The following COL4A3 variants were observed in gnomAD, a reference collection of about 807,000 sequenced individuals.
The protein encoded by COL4A3 is collagen alpha-3(IV) chain.
A neutral mutation model predicts 217.4 loss-of-function variants in COL4A3; 135 were observed. The ratio of observed to expected loss-of-function variants is 0.62; its 90% CI spans 0.54 to 0.72. COL4A3 has a LOEUF of 0.72. Among genes scored for constraint, COL4A3 ranks in the 30% least tolerant of loss-of-function variants. The pLI is 0.00. For missense variants in COL4A3, 1,868 were observed against 2,119.9 expected, an observed-to-expected ratio of 0.88 and a Z score of 2.33; for synonymous variants, 690 against 736.3, an observed-to-expected ratio of 0.94 and a Z score of 1.02.
At chr2:227,262,230 T>C (rs1182445661) in intron 20 of COL4A3, among the ~76,000 whole-genome samples, 3 of 152,116 alleles carry the variant, frequency 2.0e-5, no homozygotes, top group African/African-American at 7.2e-5. Context: ...ACAGTTAGAA[T>C]GGGGCAAAAA....
intron 1 of COL4A3, among the ~76,000 whole-genome samples, chr2:227,208,410 A>G (rs1488293451): frequency 1.3e-5 from 2 of 152,068 alleles, no homozygotes; most frequent in African/African-American, 4.8e-5. Context: ...CATTTTGTAG[A>G]CCCTGCACTC....
intron 27 of COL4A3, 55 bp downstream of exon 27, chr2:227,276,532 A>G (rs969282632): frequency 1.9e-5 from 25 of 1,298,494 alleles, no homozygotes; most frequent in Non-Finnish European, 2.7e-5. Context: ...CAACACCCTG[A>G]CTCTCTTGGA....
chr2:227,283,253 G>A (rs557091944), intron 32 of COL4A3, among the ~76,000 whole-genome samples: 263 of 152,164 alleles, frequency 1.7e-3, no homozygotes, highest in Non-Finnish European at 2.9e-3. Flanking sequence ...GGACCTCACC[G>A]ATCTCCCCTC....
At chr2:227,276,633 T>G (rs773419045) in intron 27 of COL4A3, among the ~76,000 whole-genome samples, 156 bp downstream of exon 27, 45 of 152,250 alleles carry the variant, frequency 3.0e-4, no homozygotes, top group Non-Finnish European at 4.8e-4. Flanking sequence ...GCAAGCAGGC[T>G]GGGGACTTGC....
In COL4A3 at chr2:227,250,381, TAG is replaced by T. The variant is rs1454791719; in HGVS notation, c.547-757_547-756del. Among the ~76,000 whole-genome samples the T allele has an allele frequency of 6.7e-6, 1 of 149,036 alleles. No individual in the cohort carries two copies. Among genetic ancestry groups the T allele is most frequent in the Non-Finnish European group, 1.5e-5 (1 of 66,992 alleles). ...ATAGATAGATAGATAGATAGATAGA[TAG>T]ATATTTAAAAATTGTATGAACCAGG... On this transcript the variant is annotated intron_variant, in intron 9 of 51. Coordinates refer to ENST00000396578, the MANE Select transcript of COL4A3 (RefSeq NM_000091.5). The surrounding 1 kb of genome is among the most constrained non-coding windows in gnomAD (Gnocchi z 4.1).
At chr2:227,196,448 G>A (rs868767237) in intron 1 of COL4A3, among the ~76,000 whole-genome samples, 1 of 151,474 alleles carries the variant, frequency 6.6e-6, no homozygotes, top group Non-Finnish European at 1.5e-5. Context: ...CTCCCGAGTA[G>A]CTGGGACTAC....
rs1473622137 is a variant in COL4A3 at position 227,312,096 on chromosome 2, C to G, written c.*226C>G. The G allele has an allele frequency of 1.3e-5, 8 of 634,166 alleles. No homozygotes were observed. Among genetic ancestry groups the G allele is most frequent in the Non-Finnish European group, 2.1e-5 (8 of 383,108 alleles). The allele number at this position is 634,166 out of a possible 1,614,324, so 39.3% of individuals were successfully genotyped here. ...TTCAAAGTTCTCTGTGGCAAAGCAGCAACTATTCACAAAATATCACCAAAA... is the reference window on the plus strand; with the variant it reads ...TTCAAAGTTCTCTGTGGCAAAGCAGGAACTATTCACAAAATATCACCAAAA... On this transcript the variant is annotated 3_prime_UTR_variant, in exon 52 of 52. Transcript: ENST00000396578.
In COL4A3 at chr2:227,310,771, G is replaced by A. The variant is rs1559924856; in HGVS notation, c.4756-5G>A. ...TGTTTATTCAGATTTTTAAAATTGT[G>A]GTAGTTCACAAGTGCAGGTTCTGAG... On this transcript the variant is annotated splice_region_variant and splice_polypyrimidine_tract_variant and intron_variant, in intron 50 of 51. Transcript: ENST00000396578. The A allele has an allele frequency of 1.2e-6, 2 of 1,613,142 alleles. No individual in the cohort carries two copies. Among genetic ancestry groups the A allele is most frequent in the African/African-American group, 1.3e-5 (1 of 74,972 alleles).
chr2:227,206,120 C>T (rs1319825025), intron 1 of COL4A3, among the ~76,000 whole-genome samples: 3 of 152,026 alleles, frequency 2.0e-5, no homozygotes, highest in Admixed American at 2.0e-4. Context: ...GTTGCCCAGG[C>T]TGAAGTGCAG....
intron 37 of COL4A3, among the ~76,000 whole-genome samples, chr2:227,292,522 G>A (rs2106222430): frequency 6.6e-6 from 1 of 152,322 alleles, no homozygotes; most frequent in Non-Finnish European, 1.5e-5. Flanking sequence ...TCAGCAAAAT[G>A]AGAGTAACAG....
chr2:227,219,159 T>A (rs1405947918), intron 1 of COL4A3, among the ~76,000 whole-genome samples: 1 of 152,034 alleles, frequency 6.6e-6, no homozygotes, highest in African/African-American at 2.4e-5. Flanking sequence ...CATGCCCAGC[T>A]AATTTTGTAT....
chr2:227,281,386 G>A (rs1217198258), intron 31 of COL4A3, among the ~76,000 whole-genome samples: 2 of 151,780 alleles, frequency 1.3e-5, no homozygotes, highest in African/African-American at 2.4e-5. Flanking sequence ...ATTAAAATAG[G>A]GTAAATGTAT....
chr2:227,206,218 C>T (rs2067095094), intron 1 of COL4A3, among the ~76,000 whole-genome samples: 1 of 152,072 alleles, frequency 6.6e-6, no homozygotes, highest in Non-Finnish European at 1.5e-5. Context: ...GGATTACAGG[C>T]ACCCGCCACC....
At chr2:227,202,418 T>A (rs2066723011) in intron 1 of COL4A3, among the ~76,000 whole-genome samples, 1 of 152,274 alleles carries the variant, frequency 6.6e-6, no homozygotes, top group African/African-American at 2.4e-5. Flanking sequence ...TGGAGTGAAC[T>A]GATAATGCTG....
chr2:227,195,884 G>A (rs2125716861), intron 1 of COL4A3, among the ~76,000 whole-genome samples: 1 of 136,382 alleles, frequency 7.3e-6, no homozygotes, highest in African/African-American at 2.8e-5. Flanking sequence ...CTAGGCTAAT[G>A]TGTGTGTTTG....
chr2:227,211,207 G>A (rs565537150), intron 1 of COL4A3, among the ~76,000 whole-genome samples: 1 of 152,210 alleles, frequency 6.6e-6, no homozygotes, highest in African/African-American at 2.4e-5. Flanking sequence ...CACCATGTTG[G>A]CCAGGATGGT....
At chr2:227,308,701 G>A (rs983118893) in intron 48 of COL4A3, among the ~76,000 whole-genome samples, 198 bp from the exon 49 acceptor site, 1 of 152,266 alleles carries the variant, frequency 6.6e-6, no homozygotes, top group Admixed American at 6.5e-5. Context: ...GTGGGAGAAA[G>A]AAGATTTGTT....
chr2:227,251,202 T>A lies in COL4A3; in HGVS notation c.609T>A (p.Phe203Leu). 1 of 1,613,174 alleles carries A rather than the reference T, an allele frequency of 6.2e-7. No individual in the cohort carries two copies. The highest frequency in any genetic ancestry group is 8.5e-7 in the Non-Finnish European group (1 of 1,179,222). The change falls in exon 10 of 52, where the codon TTT becomes TTA. Residue 203 changes from phenylalanine to leucine, a missense_variant and splice_region_variant. This residue lies in a region of COL4A3 where 365 missense variants were observed against 333.8 expected (regional missense o/e 1.09). Transcript: ENST00000396578. ...GCCCACCTGGTCCTCCGGGATTCTT[T>A]GTGAGTATCAAGTCATCCTTGCTAC... ...PVGPPGPPGF[F>L]GFPGAMGPRG...
chr2:227,167,979 C>T (rs553022698), intron 1 of COL4A3, among the ~76,000 whole-genome samples: 28 of 152,290 alleles, frequency 1.8e-4, no homozygotes, highest in African/African-American at 4.1e-4. Flanking sequence ...TCACATTACA[C>T]GTATCTATTG....
Sources: allele counts gnomAD v4.1 joint callset (sites outside exome capture counted in the v4.1 genomes callset), GRCh38; gene constraint gnomAD v4.1.1; regional missense constraint gnomAD v4.1.1; non-coding constraint Gnocchi (gnomAD v3.1); transcripts MANE v1.5; gene names NCBI Gene and HGNC (gene_info 2026-07-23, HGNC 2026-07-21).